The following MCF2L variants were observed in gnomAD, a reference collection of about 807,000 sequenced individuals.
MCF2L encodes guanine nucleotide exchange factor DBS.
MCF2L carries 97 observed loss-of-function variants against 153.4 expected under a neutral mutation model. The observed-to-expected ratio is 0.63, with a 90% CI of 0.54 to 0.75. The LOEUF (loss-of-function observed/expected upper bound fraction) is 0.75, where lower values mean the gene tolerates loss of function less well. Ranked by LOEUF, MCF2L falls within the 30% of genes least tolerant of loss-of-function variation. The probability of loss-of-function intolerance (pLI) is 0.00; values close to 1 mark genes in which losing one functional copy is unlikely to be tolerated. For synonymous variants in MCF2L, 659 were observed against 632.2 expected (o/e 1.04, Z -0.64); for missense variants, 1,347 against 1,495.2 (o/e 0.90, Z 1.64).
chr13:113,077,715 C>T lies in MCF2L; in HGVS notation c.1660+504C>T, dbSNP rs531378051. ...CGGCGCGCATTGCTGGTCCCAAACCCGCCCTCTATGCCGAGCCAGGCACGG... is the reference window on the plus strand; with the variant it reads ...CGGCGCGCATTGCTGGTCCCAAACCTGCCCTCTATGCCGAGCCAGGCACGG... On this transcript the variant is annotated intron_variant, in intron 13 of 29. Transcript: ENST00000535094. 5.9e-5 allele frequency among the ~76,000 whole-genome samples: 9 copies of T among 152,350 alleles called. No individual in the cohort carries two copies. In the East Asian group the frequency reaches 1.2e-3, roughly 20 times the overall value.
intron 9 of MCF2L, among the ~76,000 whole-genome samples, chr13:113,073,919 A>AG (rs1399453901): frequency 1.3e-5 from 2 of 152,082 alleles, no homozygotes; most frequent in Non-Finnish European, 2.9e-5. Context: ...CCGTCTCAAA[A>AG]AAAAAAAATT....
chr13:113,048,949 G>T (rs1209207182), intron 4 of MCF2L, among the ~76,000 whole-genome samples: 3 of 152,200 alleles, frequency 2.0e-5, no homozygotes, highest in Non-Finnish European at 2.9e-5. Flanking sequence ...CCATGGGGAG[G>T]GGGCAGAGTT....
In MCF2L at chr13:112,960,156, T is replaced by C. The variant is rs1341036764; in HGVS notation, c.170-54607T>C. Among the ~76,000 whole-genome samples, 1 of 152,188 alleles carries C rather than the reference T, an allele frequency of 6.6e-6. No homozygotes were observed. The highest frequency in any genetic ancestry group is 1.5e-5 in the Non-Finnish European group (1 of 68,030). ...CACAGATTGGGTAATTTACACACAA[T>C]GGAAGTTTAGTTGGCTCATGGTCCT... is the stretch of plus-strand genomic sequence containing the variant. On this transcript the variant is annotated intron_variant, in intron 2 of 29. Coordinates refer to the MCF2L transcript ENST00000375608. The surrounding 1 kb of genome is among the most constrained non-coding windows in gnomAD (Gnocchi z 4.2).
chr13:113,089,933 G>A, intron 26 of MCF2L: 1 of 1,597,944 alleles, frequency 6.3e-7, no homozygotes, highest in African/African-American at 1.3e-5. Flanking sequence ...CCCTGCATCA[G>A]CAAGGCCAGC....
chr13:113,010,641 C>A (rs1349596949), intron 1 of MCF2L, among the ~76,000 whole-genome samples: 1 of 152,230 alleles, frequency 6.6e-6, no homozygotes, highest in East Asian at 1.9e-4. Flanking sequence ...GCTGCCTCTG[C>A]CCGCGTGGCA....
intron 3 of MCF2L, chr13:113,044,374 C>T (rs1008438888): frequency 1.1e-4 from 40 of 362,984 alleles, no homozygotes; most frequent in Admixed American, 7.5e-4. Context: ...CTGAGACACC[C>T]GATATAAATC....
intron 18 of MCF2L, 66 bp from the exon 19 acceptor site, chr13:113,084,826 G>C: frequency 8.1e-7 from 1 of 1,227,992 alleles, no homozygotes; most frequent in Non-Finnish European, 1.2e-6. Flanking sequence ...TGCGGTGCCC[G>C]TCCCTCACCG....
intron 2 of MCF2L, chr13:112,917,538 C>G (rs1046189064): frequency 1.4e-4 from 34 of 243,112 alleles, no homozygotes; most frequent in African/African-American, 7.2e-4. Flanking sequence ...AGTGCGGGCC[C>G]TTCTCTGCTG....
Position 113,082,460 on chromosome 13 carries a change from G to A in MCF2L, c.1909G>A (p.Ala637Thr). Reference protein sequence around the residue: ...YAAEMDNPLMAHLLSTGLHNK... With the variant: ...YAAEMDNPLMTHLLSTGLHNK... ...CGCGGAGATGGATAACCCACTGATG[G>A]CTCACCTCCTGTCAACAGGCCTTCA... The change falls in exon 17 of 30, where the codon GCT (alanine) becomes ACT (threonine). Residue 637 changes from alanine to threonine, a missense_variant. Ala to Thr is a moderately conservative substitution (Grantham distance 58). This residue lies in a region of MCF2L where 820 missense variants were observed against 921.2 expected (regional missense o/e 0.89). Transcript: ENST00000535094. 1.9e-6 allele frequency: 3 copies of A among 1,614,006 alleles called. No homozygotes were observed. The highest frequency in any genetic ancestry group is 2.5e-6 in the Non-Finnish European group (3 of 1,179,904).
At position 112,907,484 on chromosome 13, in the gene MCF2L, C is replaced by T. The variant is rs998154496; in HGVS notation, c.169+5113C>T. ...CTCGGTGTTTCCAGCATGGGTCAGT[C>T]GCGGCTTGGTGGAGAATGGCTGAAT... On this transcript the variant is annotated intron_variant, in intron 2 of 29. Coordinates refer to the MCF2L transcript ENST00000375608. The surrounding 1 kb of genome is among the most constrained non-coding windows in gnomAD (Gnocchi z 5.1). Among the ~76,000 whole-genome samples, 2 of 151,968 alleles carry T rather than the reference C, an allele frequency of 1.3e-5. No individual in the cohort carries two copies. Among genetic ancestry groups the T allele is most frequent in the Non-Finnish European group, 1.5e-5 (1 of 68,014 alleles).
rs2086822016 is a variant in MCF2L, at chr13:113,046,488, G to A, written c.369+1127G>A. ...TGGGTCCCGCGTTCAGACTACCTTT[G>A]GGTTCCCCAGCCTCTCGGTGGCTGC... On this transcript the variant is annotated intron_variant, in intron 4 of 29. Transcript: ENST00000535094. The surrounding 1 kb of genome is among the most constrained non-coding windows in gnomAD (Gnocchi z 4.4). 1.9e-6 allele frequency: 1 copy of A among 521,130 alleles called. No individual in the cohort carries two copies. Among genetic ancestry groups the A allele is most frequent in the Admixed American group, 2.1e-5 (1 of 48,710 alleles). The allele number at this position is 521,130 out of a possible 1,614,324, so 32.3% of individuals were successfully genotyped here.
intron 1 of MCF2L, among the ~76,000 whole-genome samples, chr13:112,900,636 A>G (rs1481317988): frequency 1.3e-5 from 2 of 151,332 alleles, no homozygotes; most frequent in East Asian, 3.9e-4. Flanking sequence ...TGTTGGGGGA[A>G]GAGGGGCGGG....
intron 1 of MCF2L, among the ~76,000 whole-genome samples, chr13:112,995,516 GC>G (rs1310141932): frequency 6.6e-6 from 1 of 152,216 alleles, no homozygotes; most frequent in Non-Finnish European, 1.5e-5. Flanking sequence ...TGCCACTTCT[GC>G]CCCAGGAGAG....
At chr13:112,937,005 T>C (rs758391715) in intron 2 of MCF2L, among the ~76,000 whole-genome samples, 42 of 152,268 alleles carry the variant, frequency 2.8e-4, no homozygotes, top group Non-Finnish European at 5.4e-4. Context: ...ATGACTGTTC[T>C]CAGTCACTGT....
intron 1 of MCF2L, among the ~76,000 whole-genome samples, chr13:113,000,300 C>T (rs947030900): frequency 6.6e-6 from 1 of 152,098 alleles, no homozygotes; most frequent in African/African-American, 2.4e-5. Context: ...GATGGCTGGG[C>T]TGGGGAGGAC....
intron 3 of MCF2L, chr13:113,044,579 TG>T: frequency 6.5e-7 from 1 of 1,535,960 alleles, no homozygotes; most frequent in Non-Finnish European, 8.8e-7. Context: ...TAGCAGCTGC[TG>T]GCATCACGCA....
At chr13:113,047,877 C>T (rs1436530901) in intron 4 of MCF2L, among the ~76,000 whole-genome samples, 1 of 152,084 alleles carries the variant, frequency 6.6e-6, no homozygotes. Context: ...TGCCCCAGAG[C>T]CTCCGCTGAT....
intron 2 of MCF2L, among the ~76,000 whole-genome samples, chr13:112,927,320 T>A (rs2081417879): frequency 1.3e-5 from 2 of 152,232 alleles, no homozygotes; most frequent in Admixed American, 1.3e-4. Flanking sequence ...AGTCTTGATG[T>A]TGAACTGGAA....
rs150436402 is a variant in MCF2L at position 113,046,228 on chromosome 13, C to A, written c.369+867C>A. On this transcript the variant is annotated intron_variant, in intron 4 of 29. Transcript: ENST00000535094. The surrounding 1 kb of genome is among the most constrained non-coding windows in gnomAD (Gnocchi z 4.4). ...CCCACGCTCGCTCTCCCCGCCTGTC[C>A]GTCCAAATTTCATTGCTGCCAAAGG... 701 of 223,318 alleles carry A rather than the reference C, an allele frequency of 3.1e-3. 3 individuals carry two copies. The highest frequency in any genetic ancestry group is 0.015 in the African/African-American group (661 of 42,920). The allele number at this position is 223,318 out of a possible 1,614,324, so 13.8% of individuals were successfully genotyped here.
Sources: allele counts gnomAD v4.1 joint callset (sites outside exome capture counted in the v4.1 genomes callset), GRCh38; gene constraint gnomAD v4.1.1; regional missense constraint gnomAD v4.1.1; non-coding constraint Gnocchi (gnomAD v3.1); transcripts MANE v1.5; gene names NCBI Gene and HGNC (gene_info 2026-07-23, HGNC 2026-07-21).